Variants in ZAR1 observed in about 807,000 individuals in gnomAD.
ZAR1 encodes the protein zygote arrest 1, also known as zygote arrest protein 1.
A neutral mutation model predicts 38.3 loss-of-function variants in ZAR1; 37 were observed. That is an observed-to-expected ratio of 0.97 (90% CI 0.74 to 1.27). ZAR1 has a LOEUF of 1.27. ZAR1 is among the 50% of genes most tolerant of loss of function. The probability of loss-of-function intolerance (pLI) is 0.00; values close to 1 mark genes in which losing one functional copy is unlikely to be tolerated. For missense variants in ZAR1, 651 were observed against 632.4 expected (o/e 1.03, Z -0.32); for synonymous variants, 336 against 292.0 (o/e 1.15, Z -1.53).
At chr4:48,493,544 G>A (rs1160780698) in intron 3 of ZAR1, among the ~76,000 whole-genome samples, 1 of 152,230 alleles carries the variant, frequency 6.6e-6, no homozygotes, top group Non-Finnish European at 1.5e-5. Context: ...GCTATTAACT[G>A]TGCTAAGGGG....
At position 48,490,371 on chromosome 4, in the gene ZAR1, C is replaced by A; in HGVS notation, c.80C>A (p.Pro27His). ...CCCTGCTCGTACCGGTACCCATACCCCGCGGCCACCAAGGGCAAGGGCGCG... is the reference window on the plus strand; with the variant it reads ...CCCTGCTCGTACCGGTACCCATACCACGCGGCCACCAAGGGCAAGGGCGCG... ...CPPCSYRYPY[P>H]AATKGKGAAG... is the part of the protein sequence containing the mutation. The change falls in exon 1 of 4, where the codon CCC becomes CAC. Residue 27 changes from proline to histidine, a missense_variant. Physicochemically the swap from Pro to His is moderately conservative, Grantham distance 77. Transcript: ENST00000327939. The A allele has an allele frequency of 6.6e-7, 1 of 1,505,244 alleles. No homozygotes were observed. 93.2% of individuals were successfully genotyped at this position (1,505,244 alleles called of 1,614,324 possible).
Position 48,491,317 on chromosome 4 carries a change from G to T in ZAR1, c.963+63G>T, listed in dbSNP as rs1056839072. 9.4e-5 allele frequency: 112 copies of T among 1,185,402 alleles called. No homozygotes were observed. In the African/African-American group the frequency reaches 1.7e-3, roughly 18 times the overall value. 73.4% of individuals were successfully genotyped at this position (1,185,402 alleles called of 1,614,324 possible). On this transcript the variant is annotated intron_variant, in intron 1 of 3. Coordinates refer to ENST00000327939, the MANE Select transcript of ZAR1 (RefSeq NM_175619.3). Reference sequence around the variant, plus strand: ...GGGTGCGGGTGTCTTCCTTGGGCCTGGCCCTGTGACTGCTTCGGGCACTCG... The same window carrying T: ...GGGTGCGGGTGTCTTCCTTGGGCCTTGCCCTGTGACTGCTTCGGGCACTCG...
At position 48,490,856 on chromosome 4, in the gene ZAR1, C is replaced by G; in HGVS notation, c.565C>G (p.Arg189Gly). The G allele has an allele frequency of 6.8e-7, 1 of 1,470,876 alleles. No individual in the cohort carries two copies. The highest frequency in any genetic ancestry group is 1.3e-5 in the South Asian group (1 of 75,930). The allele number at this position is 1,470,876 out of a possible 1,614,324, so 91.1% of individuals were successfully genotyped here. The stretch of plus-strand genomic sequence containing the variant: ...CGTGTACTCGCCCCTGGCCTTGCGC[C>G]GTCTCACCGCCTTCCTGGAGGGGCC... Reference protein sequence around the residue: ...VAVYSPLALRRLTAFLEGPGP... With the variant: ...VAVYSPLALRGLTAFLEGPGP... Residue 189 changes from arginine to glycine, a missense_variant, in exon 1 of 4, where the codon CGT becomes GGT. By Grantham distance (125) the Arg-to-Gly change is moderately radical. Around this residue, in one of 2 missense-constraint regions of ZAR1, gnomAD observed 522 missense variants for 459.9 expected, o/e 1.14. Coordinates refer to ENST00000327939, the MANE Select transcript of ZAR1 (RefSeq NM_175619.3).
At chr4:48,496,309 G>A (rs1370881326), downstream of ZAR1, among the ~76,000 whole-genome samples, 2 of 152,154 alleles carry the variant, frequency 1.3e-5, no homozygotes, top group Non-Finnish European at 2.9e-5. Context: ...ATTTGGTTGG[G>A]GGTAGGTACA....
chr4:48,495,384 G>A (rs1718557538), downstream of ZAR1, among the ~76,000 whole-genome samples: 1 of 152,112 alleles, frequency 6.6e-6, no homozygotes, highest in African/African-American at 2.4e-5. Context: ...TTAACATCTT[G>A]GACACTTGTT....
downstream of ZAR1, among the ~76,000 whole-genome samples, chr4:48,496,958 T>C (rs1268355028): frequency 1.3e-5 from 2 of 152,146 alleles, no homozygotes; most frequent in Non-Finnish European, 2.9e-5. Flanking sequence ...TGCCCTTGAG[T>C]CTTTTCCAAG....
chr4:48,492,182 C>T (rs920935196), intron 1 of ZAR1, among the ~76,000 whole-genome samples: 2 of 152,194 alleles, frequency 1.3e-5, no homozygotes, highest in Non-Finnish European at 2.9e-5. Flanking sequence ...CCCAGAGTTC[C>T]TTCCAATTCT....
At chr4:48,495,146 G>A (rs911449637), downstream of ZAR1, among the ~76,000 whole-genome samples, 5 of 152,082 alleles carry the variant, frequency 3.3e-5, no homozygotes, top group Non-Finnish European at 5.9e-5. Flanking sequence ...CTCTAACTGC[G>A]TCTAGTAGCT....
downstream of ZAR1, among the ~76,000 whole-genome samples, chr4:48,496,095 A>G (rs1344380595): frequency 2.0e-5 from 3 of 152,164 alleles, no homozygotes; most frequent in African/African-American, 7.2e-5. Context: ...GCCAGGCTGC[A>G]CTAAAAGGTT....
chr4:48,495,612 G>C (rs1463081348), downstream of ZAR1, among the ~76,000 whole-genome samples: 1 of 152,230 alleles, frequency 6.6e-6, no homozygotes, highest in Admixed American at 6.5e-5. Context: ...GGAGCTTCCA[G>C]TAGAGTGGGC....
At position 48,490,341 on chromosome 4, in the gene ZAR1, G is replaced by GC. The variant is rs757396573; in HGVS notation, c.57dup (p.Cys20LeufsTer332). On this transcript the variant is annotated frameshift_variant, in exon 1 of 4. Transcript: ENST00000327939. LOFTEE classifies it high-confidence loss of function. The stretch of plus-strand genomic sequence containing the variant: ...CTGGACGGTTACGTGTTCCCGGCGT[G>GC]CCCCCCCTGCTCGTACCGGTACCCA... 14 of 1,513,546 alleles carry GC rather than the reference G, an allele frequency of 9.2e-6. No homozygotes were observed. Among genetic ancestry groups the GC allele is most frequent in the Admixed American group, 4.1e-5 (2 of 48,504 alleles). The allele number at this position is 1,513,546 out of a possible 1,614,324, so 93.8% of individuals were successfully genotyped here. A position where few individuals can be genotyped will look rare whatever the true frequency, so the allele number is the denominator to read the frequency against.
In ZAR1 at chr4:48,492,830, ATG is replaced by A. The variant is rs1230952913; in HGVS notation, c.1033_1034del (p.Trp345ValfsTer6). The A allele has an allele frequency of 5.0e-6, 8 of 1,614,074 alleles. No homozygotes were observed. Among genetic ancestry groups the A allele is most frequent in the African/African-American group, 1.3e-5 (1 of 74,938 alleles). ...TGCAACATCCGCTGGGAGAGTGCTTATGTGTGGTGTGTACAGGGAACTAACAA... is the reference window on the plus strand; with the variant it reads ...TGCAACATCCGCTGGGAGAGTGCTTATGTGGTGTGTACAGGGAACTAACAA... On this transcript the variant is annotated frameshift_variant, in exon 2 of 4. Coordinates refer to ENST00000327939, the MANE Select transcript of ZAR1 (RefSeq NM_175619.3). LOFTEE classifies it high-confidence loss of function.
At chr4:48,491,435 T>A (rs1367510976) in intron 1 of ZAR1, among the ~76,000 whole-genome samples, 181 bp downstream of exon 1, 1 of 152,240 alleles carries the variant, frequency 6.6e-6, no homozygotes, top group Non-Finnish European at 1.5e-5. Flanking sequence ...CACAGTCTCA[T>A]GTCCCCGACA....
chr4:48,490,898 G>A lies in ZAR1; in HGVS notation c.607G>A (p.Glu203Lys), dbSNP rs933234525. ...GGAGGGGCCCGGGCCCGCGGCGGGC[G>A]AGCAGAGGTCCGGGGCGTCGGACGG... Reference protein sequence around the residue: ...FLEGPGPAAGEQRSGASDGER... With the variant: ...FLEGPGPAAGKQRSGASDGER... The change falls in exon 1 of 4, where the codon GAG becomes AAG. Residue 203 changes from glutamate to lysine, a missense_variant. Physicochemically the swap from Glu to Lys is moderately conservative, Grantham distance 56. This residue lies in a region of ZAR1 where 522 missense variants were observed against 459.9 expected (regional missense o/e 1.14). Transcript: ENST00000327939. 5 of 1,388,994 alleles carry A rather than the reference G, an allele frequency of 3.6e-6. No individual in the cohort carries two copies. In the African/African-American group the frequency reaches 6.0e-5, roughly 17 times the overall value. The allele number at this position is 1,388,994 out of a possible 1,614,324, so 86.0% of individuals were successfully genotyped here.
rs1248869348 is a variant in ZAR1, at chr4:48,490,930, G to T, written c.639G>T (p.Arg213Ser). Residue 213 changes from arginine to serine, a missense_variant, in exon 1 of 4, where the codon AGG becomes AGT. Transcript: ENST00000327939. ...EQRSGASDGE[R>S]GPPPARLQGP... ...GGTCCGGGGCGTCGGACGGAGAGAG[G>T]GGGCCGCCGCCCGCGCGGCTTCAAG... The T allele has an allele frequency of 7.4e-7, 1 of 1,344,878 alleles. No homozygotes were observed. Among genetic ancestry groups the T allele is most frequent in the African/African-American group, 1.5e-5 (1 of 65,070 alleles). The allele number at this position is 1,344,878 out of a possible 1,614,324, so 83.3% of individuals were successfully genotyped here. A position where few individuals can be genotyped will look rare whatever the true frequency, so the allele number is the denominator to read the frequency against.
At chr4:48,494,080 T>C in intron 3 of ZAR1, 21 bp from the exon 4 acceptor site, 1 of 1,608,246 alleles carries the variant, frequency 6.2e-7, no homozygotes, top group African/African-American at 1.3e-5. Context: ...CTGCATGCCC[T>C]TCTGTATTTT....
chr4:48,496,240 C>G (rs150231273), downstream of ZAR1, among the ~76,000 whole-genome samples: 185 of 152,262 alleles, frequency 1.2e-3, 1 homozygote, highest in African/African-American at 4.3e-3. Context: ...AGAGAAATGA[C>G]AAGAACTGGT....
downstream of ZAR1, among the ~76,000 whole-genome samples, chr4:48,497,140 C>T (rs753287195): frequency 9.9e-5 from 15 of 152,060 alleles, no homozygotes; most frequent in Admixed American, 2.6e-4. Flanking sequence ...GTCTTATAAG[C>T]GTACTATTTA....
chr4:48,495,578 G>A (rs535403517), downstream of ZAR1, among the ~76,000 whole-genome samples: 11 of 152,150 alleles, frequency 7.2e-5, no homozygotes, highest in South Asian at 6.2e-4. Context: ...ACCTGTGCTC[G>A]GTAGAGAAGA....
Sources: gnomAD v4.1 joint callset for allele counts (sites outside exome capture counted in the v4.1 genomes callset) on GRCh38, gnomAD v4.1.1 for gene constraint, gnomAD v4.1.1 regional missense constraint, MANE v1.5 for transcripts, NCBI Gene and HGNC (gene_info 2026-07-23, HGNC 2026-07-21) for gene names.